The following TCF4 variants were observed in gnomAD, a reference collection of about 807,000 sequenced individuals.
TCF4 encodes the protein transcription factor 4, also known as SL3-3 enhancer factor 2.
Under a neutral mutation model 82.1 loss-of-function variants are expected in TCF4, and 3 were observed. That is an observed-to-expected ratio of 0.04 (90% CI 0.02 to 0.09). TCF4 has a LOEUF of 0.09. Among genes scored for constraint, TCF4 ranks in the 10% least tolerant of loss-of-function variants. The pLI, the probability that TCF4 is intolerant of heterozygous loss-of-function variation, is 1.00. For synonymous variants in TCF4, 276 were observed against 309.6 expected, an observed-to-expected ratio of 0.89 and a Z score of 1.14; for missense variants, 518 against 852.7, an observed-to-expected ratio of 0.61 and a Z score of 4.89.
intron 3 of TCF4, among the ~76,000 whole-genome samples, chr18:55,504,889 A>G (rs1418214906): frequency 1.3e-5 from 2 of 152,232 alleles, no homozygotes; most frequent in Non-Finnish European, 2.9e-5. Flanking sequence ...CCCCAAGAAC[A>G]AGCAATTATA....
chr18:55,389,662 C>T (rs900467895), intron 6 of TCF4, among the ~76,000 whole-genome samples: 5 of 152,020 alleles, frequency 3.3e-5, no homozygotes, highest in South Asian at 2.1e-4. Context: ...ATGGTGAGTA[C>T]GAAGGCTGAG....
intron 5 of TCF4, 41 bp from the exon 6 acceptor site, chr18:55,403,559 C>T: frequency 1.2e-6 from 2 of 1,613,560 alleles, no homozygotes; most frequent in Non-Finnish European, 1.7e-6. Context: ...TTGTGTTTTT[C>T]CTTAAAAAAA....
rs28398381 is a variant in TCF4 at position 55,250,414 on chromosome 18, T to C, written c.1350+4083A>G. ...ACCAACACTTATCAAGTTTTGAAAA[T>C]CACAAGCTCCTAGCATTTAAAATAA... On this transcript the variant is annotated intron_variant, in intron 15 of 19. Coordinates refer to ENST00000354452, the MANE Select transcript of TCF4 (RefSeq NM_001083962.2). Among the ~76,000 whole-genome samples, 1,490 of 152,260 alleles carry C rather than the reference T, an allele frequency of 9.8e-3. 17 individuals carry two copies. Among genetic ancestry groups the C allele is most frequent in the Middle Eastern group, 0.037 (11 of 294 alleles).
intron 15 of TCF4, among the ~76,000 whole-genome samples, chr18:55,242,883 C>T (rs1299708320): frequency 3.3e-5 from 5 of 152,150 alleles, no homozygotes; most frequent in Non-Finnish European, 7.3e-5. Context: ...GCTGGGATTA[C>T]AGGCCTGAAC....
chr18:55,330,059 T>C (rs1291685661), intron 8 of TCF4, among the ~76,000 whole-genome samples: 3 of 152,234 alleles, frequency 2.0e-5, no homozygotes, highest in South Asian at 2.1e-4. Flanking sequence ...TACCATCATA[T>C]AGTAACTGTG....
chr18:55,351,836 CATT>C, intron 6 of TCF4: 9 of 922,508 alleles, frequency 9.8e-6, no homozygotes, highest in Non-Finnish European at 9.1e-6. Context: ...GCATTGAACA[CATT>C]GTTCTTTTAA....
At chr18:55,593,329 A>C (rs2097687664), upstream of TCF4, among the ~76,000 whole-genome samples, 1 of 152,252 alleles carries the variant, frequency 6.6e-6, no homozygotes, top group African/African-American at 2.4e-5. Context: ...GAGATAATGT[A>C]AATGAAGGTG....
intron 15 of TCF4, among the ~76,000 whole-genome samples, chr18:55,240,008 C>G (rs920857404): frequency 2.0e-5 from 3 of 152,204 alleles, no homozygotes; most frequent in African/African-American, 7.2e-5. Flanking sequence ...TCAAAACAGG[C>G]TTTCAGACCT....
chr18:55,245,300 T>C (rs2052696214), intron 15 of TCF4, among the ~76,000 whole-genome samples: 1 of 152,206 alleles, frequency 6.6e-6, no homozygotes, highest in African/African-American at 2.4e-5. Flanking sequence ...CCATGGAATG[T>C]GAAAAAATAT....
At chr18:55,351,975 CT>C in intron 6 of TCF4, 2 of 752,992 alleles carry the variant, frequency 2.7e-6, no homozygotes, top group Non-Finnish European at 3.2e-6. Context: ...TTGTAATCAA[CT>C]TTTACTGACT....
chr18:55,392,704 T>G (rs986577287), intron 6 of TCF4, among the ~76,000 whole-genome samples: 12 of 152,174 alleles, frequency 7.9e-5, no homozygotes, highest in African/African-American at 2.9e-4. Flanking sequence ...TTGTTTTGTT[T>G]TTTTAACTAA....
At chr18:55,238,848 A>G (rs143947543) in intron 15 of TCF4, among the ~76,000 whole-genome samples, 1 of 152,324 alleles carries the variant, frequency 6.6e-6, no homozygotes, top group Non-Finnish European at 1.5e-5. Flanking sequence ...TTCTAAGCTC[A>G]GAATGCCAAG....
intron 2 of TCF4, among the ~76,000 whole-genome samples, chr18:55,626,460 C>G (rs2097726620): frequency 6.6e-6 from 1 of 152,180 alleles, no homozygotes; most frequent in Admixed American, 6.5e-5. Flanking sequence ...GAGGACATCA[C>G]AGGTGGAATT....
rs1394694105 is a variant in TCF4 at position 55,594,430 on chromosome 18, C to T, written c.287-7294G>A. Among the ~76,000 whole-genome samples the T allele has an allele frequency of 2.0e-5, 3 of 152,224 alleles. No individual in the cohort carries two copies. In the East Asian group the frequency reaches 5.8e-4, roughly 29 times the overall value. On this transcript the variant is annotated intron_variant, in intron 2 of 20. Coordinates refer to the TCF4 transcript ENST00000398339. ...GAATCTTGTCCACTCCATGTCTCTA[C>T]ACCCATGCAGTGCCTGGCACATATA...
intron 5 of TCF4, among the ~76,000 whole-genome samples, chr18:55,421,887 C>A (rs1469508895): frequency 6.6e-6 from 1 of 152,124 alleles, no homozygotes; most frequent in African/African-American, 2.4e-5. Context: ...AAGCAACACA[C>A]AGAGGCTTTC....
intron 8 of TCF4, among the ~76,000 whole-genome samples, chr18:55,316,246 C>A (rs113162799): frequency 1.2e-4 from 18 of 152,178 alleles, no homozygotes; most frequent in Non-Finnish European, 2.9e-5. Flanking sequence ...ACTGTATTTT[C>A]TTCTTAAGGC....
chr18:55,470,113 T>C (rs979506428), intron 3 of TCF4, among the ~76,000 whole-genome samples: 1 of 152,142 alleles, frequency 6.6e-6, no homozygotes, highest in South Asian at 2.1e-4. Context: ...TAACAGAAGA[T>C]AAGGGGATGA....
intron 3 of TCF4, chr18:55,495,710 G>C (rs1259535319): frequency 6.6e-6 from 1 of 152,040 alleles, no homozygotes; most frequent in Admixed American, 6.6e-5. Context: ...TGACAAAAAA[G>C]GACAACAAAT....
intron 2 of TCF4, among the ~76,000 whole-genome samples, chr18:55,619,805 G>A (rs926882701): frequency 6.6e-6 from 1 of 152,088 alleles, no homozygotes; most frequent in Non-Finnish European, 1.5e-5. Context: ...CTGGGTGCTG[G>A]ATGTTTTTGT....
Sources: allele counts gnomAD v4.1 joint callset (sites outside exome capture counted in the v4.1 genomes callset), GRCh38; gene constraint gnomAD v4.1.1; transcripts MANE v1.5; gene names NCBI Gene and HGNC (gene_info 2026-07-23, HGNC 2026-07-21).